The following CHODL variants were observed in gnomAD, a reference collection of about 807,000 sequenced individuals.
The protein encoded by CHODL is chondrolectin.
Under a neutral mutation model 34.5 loss-of-function variants are expected in CHODL, and 29 were observed. The ratio of observed to expected loss-of-function variants is 0.84; its 90% CI spans 0.63 to 1.15. The LOEUF is 1.15. Ranked by LOEUF, CHODL falls within the 50% of genes most tolerant of loss-of-function variation. CHODL has a pLI of 0.00. For missense variants in CHODL, 332 were observed against 332.5 expected, an observed-to-expected ratio of 1.00 and a Z score of 0.01; for synonymous variants, 125 against 116.1, an observed-to-expected ratio of 1.08 and a Z score of -0.49.
chr21:18,227,176 C>A (rs1381376144), intron 2 of CHODL, among the ~76,000 whole-genome samples: 1 of 152,044 alleles, frequency 6.6e-6, no homozygotes, highest in East Asian at 1.9e-4. Flanking sequence ...GGGCTTTGGC[C>A]TCATGACCTA....
intron 2 of CHODL, among the ~76,000 whole-genome samples, chr21:18,115,828 G>T (rs1325213771): frequency 1.3e-5 from 2 of 152,104 alleles, no homozygotes; most frequent in Admixed American, 1.3e-4. Context: ...TTCTACACCT[G>T]AGAAATCCTA....
intron 1 of CHODL, among the ~76,000 whole-genome samples, chr21:17,985,100 T>C (rs182167468): frequency 1.3e-5 from 2 of 152,128 alleles, no homozygotes; most frequent in Non-Finnish European, 2.9e-5. Flanking sequence ...CAGATTTTGA[T>C]TGGGATTGCA....
At chr21:18,020,245 G>A (rs913705566) in intron 1 of CHODL, among the ~76,000 whole-genome samples, 2 of 152,160 alleles carry the variant, frequency 1.3e-5, no homozygotes, top group African/African-American at 4.8e-5. Flanking sequence ...AGAGAAAACT[G>A]TGGGTTGCTG....
In CHODL at chr21:18,124,413, C is replaced by T. The variant is rs146984249; in HGVS notation, c.-45+96442C>T. Among the ~76,000 whole-genome samples, 29 of 152,258 alleles carry T rather than the reference C, an allele frequency of 1.9e-4. 1 individual carries two copies. Among genetic ancestry groups the T allele is most frequent in the African/African-American group, 6.7e-4 (28 of 41,546 alleles). ...GACATTCTGATATGTCACTGCTGAC[C>T]TTGTGCTTAGAAATATGTCTTCTTG... On this transcript the variant is annotated intron_variant, in intron 2 of 6. Transcript: ENST00000400127.
At chr21:18,010,747 A>T (rs2064011518) in intron 1 of CHODL, among the ~76,000 whole-genome samples, 1 of 152,224 alleles carries the variant, frequency 6.6e-6, no homozygotes, top group East Asian at 1.9e-4. Context: ...AACAAACTTG[A>T]GTTTTTAGGA....
intron 2 of CHODL, among the ~76,000 whole-genome samples, chr21:18,105,705 G>T (rs753454141): frequency 1.3e-5 from 2 of 152,158 alleles, no homozygotes; most frequent in Non-Finnish European, 2.9e-5. Context: ...AGTTATTTAG[G>T]TGATTCTAAT....
intron 2 of CHODL, among the ~76,000 whole-genome samples, chr21:18,174,135 A>ATATATATATATATATCTTGG (rs2073269852): frequency 1.2e-4 from 6 of 51,756 alleles, no homozygotes; most frequent in Non-Finnish European, 2.5e-4. Flanking sequence ...ATATATATAT[A>ATATATATATATATATCTTGG]TATATATATA....
chr21:17,974,059 A>T (rs1248788998), intron 1 of CHODL, among the ~76,000 whole-genome samples: 6 of 152,170 alleles, frequency 3.9e-5, no homozygotes, highest in Admixed American at 6.5e-5. Flanking sequence ...CCAGGAAGGG[A>T]TGCCCCTTGT....
chr21:18,085,817 A>G (rs2064998860), intron 2 of CHODL, among the ~76,000 whole-genome samples: 1 of 152,132 alleles, frequency 6.6e-6, no homozygotes, highest in African/African-American at 2.4e-5. Context: ...GACATTTCAA[A>G]TATAGTATGC....
intron 2 of CHODL, among the ~76,000 whole-genome samples, chr21:18,102,617 TAC>T (rs1246111261): frequency 2.0e-5 from 3 of 152,204 alleles, no homozygotes; most frequent in African/African-American, 7.2e-5. Flanking sequence ...CACTGGTGAG[TAC>T]AGTGTATATA....
At chr21:18,050,321 G>A (rs118108755) in intron 2 of CHODL, among the ~76,000 whole-genome samples, 1,583 of 152,060 alleles carry the variant, frequency 0.01, 20 homozygotes, top group Admixed American at 0.013. Context: ...TTTAGGCTTA[G>A]GGAAGAGTTG....
chr21:18,066,726 A>G (rs1293458180), intron 2 of CHODL, among the ~76,000 whole-genome samples: 1 of 152,172 alleles, frequency 6.6e-6, no homozygotes, highest in Non-Finnish European at 1.5e-5. Context: ...GACTTTATTT[A>G]GAGATAGGGT....
intron 2 of CHODL, among the ~76,000 whole-genome samples, chr21:18,144,375 TAGG>T (rs1379438482): frequency 3.3e-5 from 5 of 152,164 alleles, no homozygotes; most frequent in Non-Finnish European, 7.4e-5. Context: ...ATTTTACAAT[TAGG>T]AGAATTTGTA....
In CHODL at chr21:18,146,093, C is replaced by T. The variant is rs543194322; in HGVS notation, c.-44-110416C>T. The stretch of plus-strand genomic sequence containing the variant: ...AAGCAATTCTCCTGCCCCAGCCTCC[C>T]GAGTAGCTGAGACTACATTGCCCGC... On this transcript the variant is annotated intron_variant, in intron 2 of 6. Transcript: ENST00000400127. Among the ~76,000 whole-genome samples the T allele has an allele frequency of 4.6e-5, 7 of 151,706 alleles. No individual in the cohort carries two copies. The East Asian group carries it at 7.7e-4, about 17-fold the overall frequency.
chr21:18,117,912 T>C (rs568420889), intron 2 of CHODL, among the ~76,000 whole-genome samples: 17 of 152,306 alleles, frequency 1.1e-4, no homozygotes, highest in Admixed American at 7.2e-4. Flanking sequence ...CACATTTGGC[T>C]TGCTGTGCAG....
intron 1 of CHODL, 70 bp downstream of exon 1, chr21:18,245,372 TTCTCGGGCGGAGGC>T (rs1308733571): frequency 7.5e-6 from 10 of 1,331,798 alleles, no homozygotes; most frequent in Non-Finnish European, 1.0e-5. Context: ...GGGCAGCCTG[TTCTCGGGCGGAGGC>T]TCTCCGGGGC....
intron 2 of CHODL, among the ~76,000 whole-genome samples, chr21:18,160,939 A>G (rs747511008): frequency 4.6e-5 from 7 of 152,224 alleles, no homozygotes; most frequent in Non-Finnish European, 1.0e-4. Context: ...ACTAATTTAC[A>G]TTCCCACCAA....
intron 2 of CHODL, among the ~76,000 whole-genome samples, chr21:18,117,626 A>G (rs2065428414): frequency 6.6e-6 from 1 of 152,196 alleles, no homozygotes; most frequent in Non-Finnish European, 1.5e-5. Context: ...CGTGTAGCTT[A>G]TATTTTAGTG....
intron 1 of CHODL, among the ~76,000 whole-genome samples, chr21:18,010,239 G>A (rs1313349916): frequency 7.5e-6 from 1 of 133,854 alleles, no homozygotes; most frequent in African/African-American, 2.8e-5. Flanking sequence ...GGAGCTTGCA[G>A]TGAGCCGAGA....
Sources: gnomAD v4.1 joint callset for allele counts (sites outside exome capture counted in the v4.1 genomes callset) on GRCh38, gnomAD v4.1.1 for gene constraint, MANE v1.5 for transcripts, NCBI Gene and HGNC (gene_info 2026-07-23, HGNC 2026-07-21) for gene names.